Variants in XXYLT1 observed in about 807,000 individuals in gnomAD.
XXYLT1 encodes UDP-xylose:alpha-xyloside alpha-1,3-xylosyltransferase.
A neutral mutation model predicts 28.9 loss-of-function variants in XXYLT1; 20 were observed. That is an observed-to-expected ratio of 0.69 (90% CI 0.49 to 1.00). The LOEUF (loss-of-function observed/expected upper bound fraction) is 1.00, where lower values mean the gene tolerates loss of function less well. XXYLT1 is among the 50% of genes least tolerant of loss of function. The pLI is 0.00. For synonymous variants in XXYLT1, 257 were observed against 253.8 expected (o/e 1.01, Z -0.12); for missense variants, 542 against 560.1 (o/e 0.97, Z 0.33).
At chr3:195,193,148 A>C (rs1722490505) in intron 2 of XXYLT1, among the ~76,000 whole-genome samples, 1 of 151,754 alleles carries the variant, frequency 6.6e-6, no homozygotes, top group African/African-American at 2.4e-5. Flanking sequence ...GTTAGCCAGG[A>C]GTGGTGGTGT....
intron 3 of XXYLT1, among the ~76,000 whole-genome samples, chr3:195,106,706 ATC>A (rs1717114982): frequency 6.6e-6 from 1 of 152,234 alleles, no homozygotes; most frequent in Admixed American, 6.5e-5. Flanking sequence ...CTGGCCACCC[ATC>A]AGGTCATCAG....
Position 195,115,120 on chromosome 3 carries a change from A to G in XXYLT1, c.785+41329T>C, listed in dbSNP as rs527515927. ...GGAAACTAAGCTTCCCAGATGCCCA[A>G]ACGGCGAGAGCTCGGGACGTGAATC... On this transcript the variant is annotated intron_variant, in intron 3 of 3. Coordinates refer to ENST00000310380, the MANE Select transcript of XXYLT1 (RefSeq NM_152531.5). The surrounding 1 kb of genome is among the most constrained non-coding windows in gnomAD (Gnocchi z 4.2). Among the ~76,000 whole-genome samples, 2 of 152,308 alleles carry G rather than the reference A, an allele frequency of 1.3e-5. No homozygotes were observed. The highest frequency in any genetic ancestry group is 4.8e-5 in the African/African-American group (2 of 41,566).
At chr3:195,205,288 T>A (rs887974215) in intron 2 of XXYLT1, among the ~76,000 whole-genome samples, 4 of 152,232 alleles carry the variant, frequency 2.6e-5, no homozygotes, top group Non-Finnish European at 5.9e-5. Flanking sequence ...AATGGATGGT[T>A]AAGCAAACTG....
At chr3:195,149,619 C>T (rs1322150272) in intron 3 of XXYLT1, among the ~76,000 whole-genome samples, 1 of 152,250 alleles carries the variant, frequency 6.6e-6, no homozygotes, top group Non-Finnish European at 1.5e-5. Context: ...CCTTCCTCCT[C>T]TGCTGCAACT....
chr3:195,097,486 G>A (rs1716516069), intron 3 of XXYLT1, among the ~76,000 whole-genome samples: 1 of 152,196 alleles, frequency 6.6e-6, no homozygotes, highest in African/African-American at 2.4e-5. Flanking sequence ...GTTTATATCT[G>A]TGACCTCATT....
chr3:195,107,779 T>TTCCCCA (rs1717232751), intron 3 of XXYLT1, among the ~76,000 whole-genome samples: 1 of 151,668 alleles, frequency 6.6e-6, no homozygotes, highest in Non-Finnish European at 1.5e-5. Flanking sequence ...AGCCCCTCAG[T>TTCCCCA]GTTCGGAATC....
intron 1 of XXYLT1, among the ~76,000 whole-genome samples, chr3:195,258,789 T>C (rs1725572363): frequency 6.6e-6 from 1 of 152,056 alleles, no homozygotes; most frequent in Non-Finnish European, 1.5e-5. Flanking sequence ...AAACAATATA[T>C]TGCCAAGAGG....
chr3:195,189,056 C>G (rs1300668914), intron 2 of XXYLT1, among the ~76,000 whole-genome samples: 2 of 152,114 alleles, frequency 1.3e-5, no homozygotes, highest in Admixed American at 1.3e-4. Context: ...TGTGCCAGTC[C>G]CTACACTGAG....
intron 3 of XXYLT1, among the ~76,000 whole-genome samples, chr3:195,137,924 A>G (rs1025899398): frequency 1.3e-5 from 2 of 152,200 alleles, no homozygotes; most frequent in South Asian, 2.1e-4. Flanking sequence ...CTGCCTGCAT[A>G]GCAACATGTG....
intron 3 of XXYLT1, among the ~76,000 whole-genome samples, chr3:195,104,720 G>A (rs969529033): frequency 1.3e-5 from 2 of 152,054 alleles, no homozygotes; most frequent in East Asian, 1.9e-4. Context: ...GGAAAGCTAC[G>A]GAATACCTTG....
intron 3 of XXYLT1, among the ~76,000 whole-genome samples, chr3:195,117,608 G>C (rs139239292): frequency 1.4e-4 from 21 of 149,218 alleles, no homozygotes; most frequent in Non-Finnish European, 2.4e-4. Flanking sequence ...AGTAGGGGTC[G>C]GGGTAGCGTG....
chr3:195,110,580 T>C (rs1312854160), intron 3 of XXYLT1, among the ~76,000 whole-genome samples: 1 of 73,090 alleles, frequency 1.4e-5, no homozygotes, highest in African/African-American at 5.5e-5. Context: ...GTGTGTTGTG[T>C]GGTGTATGTG....
intron 2 of XXYLT1, among the ~76,000 whole-genome samples, chr3:195,204,268 A>C (rs1432149147): frequency 6.6e-6 from 1 of 151,648 alleles, no homozygotes; most frequent in Non-Finnish European, 1.5e-5. Context: ...GCTTGAACCC[A>C]GGAGGCAGAG....
intron 3 of XXYLT1, among the ~76,000 whole-genome samples, chr3:195,109,387 AGTGTGCATGTAT>A (rs1014368110): frequency 5.7e-5 from 4 of 69,928 alleles, no homozygotes; most frequent in African/African-American, 2.2e-4. Context: ...GTAGTGTATA[AGTGTGCATGTAT>A]GTGTGCATGT....
chr3:195,134,826 G>GGTGTGTGT (rs3073321), intron 3 of XXYLT1, among the ~76,000 whole-genome samples: 44 of 145,582 alleles, frequency 3.0e-4, no homozygotes, highest in South Asian at 4.5e-4. Flanking sequence ...CGTGAAGAGG[G>GGTGTGTGT]GTGTGTGTGT....
chr3:195,121,820 C>T (rs973658280), intron 3 of XXYLT1, among the ~76,000 whole-genome samples: 2 of 152,208 alleles, frequency 1.3e-5, no homozygotes, highest in African/African-American at 4.8e-5. Context: ...CAAGTGGCTA[C>T]CCCTCTCTAG....
intron 3 of XXYLT1, among the ~76,000 whole-genome samples, chr3:195,144,598 G>A (rs942514447): frequency 1.3e-5 from 2 of 151,718 alleles, no homozygotes; most frequent in South Asian, 2.1e-4. Context: ...GGCTGGTCTC[G>A]AACTCCTGAC....
intron 3 of XXYLT1, among the ~76,000 whole-genome samples, chr3:195,132,340 G>A (rs1199041332): frequency 7.2e-5 from 11 of 152,042 alleles, no homozygotes; most frequent in African/African-American, 1.7e-4. Context: ...GGCAGTGCGC[G>A]CCTATAGTCC....
intron 3 of XXYLT1, among the ~76,000 whole-genome samples, chr3:195,136,049 A>G (rs1378960860): frequency 6.6e-6 from 1 of 152,184 alleles, no homozygotes; most frequent in African/African-American, 2.4e-5. Flanking sequence ...CCTCAGCAAC[A>G]GTCTGAGAGC....
Sources: gnomAD v4.1 joint callset for allele counts (sites outside exome capture counted in the v4.1 genomes callset) on GRCh38, gnomAD v4.1.1 for gene constraint, Gnocchi (gnomAD v3.1) non-coding constraint, MANE v1.5 for transcripts, NCBI Gene and HGNC (gene_info 2026-07-23, HGNC 2026-07-21) for gene names.